CPEB3: variants seen among roughly 807,000 people sequenced by gnomAD.
The protein encoded by CPEB3 is cytoplasmic polyadenylation element binding protein 3, also known as cytoplasmic polyadenylation element-binding protein 3.
CPEB3 carries 20 observed loss-of-function variants against 67.2 expected under a neutral mutation model. That is an observed-to-expected ratio of 0.30 (90% CI 0.21 to 0.43). The LOEUF is 0.43. Among genes scored for constraint, CPEB3 ranks in the 20% least tolerant of loss-of-function variants. The pLI is 1.00. For missense variants in CPEB3, 746 were observed against 968.6 expected, an observed-to-expected ratio of 0.77 and a Z score of 3.05; for synonymous variants, 376 against 393.1, an observed-to-expected ratio of 0.96 and a Z score of 0.51.
chr10:92,184,880 G>A (rs1167285104), intron 3 of CPEB3, among the ~76,000 whole-genome samples: 1 of 152,100 alleles, frequency 6.6e-6, no homozygotes, highest in African/African-American at 2.4e-5. Context: ...TTGATTTACA[G>A]TTTTCCACGT....
intron 6 of CPEB3, among the ~76,000 whole-genome samples, chr10:92,127,707 G>A (rs887808047): frequency 1.3e-5 from 2 of 152,114 alleles, no homozygotes; most frequent in African/African-American, 4.8e-5. Context: ...AGAAATGGGG[G>A]AAGAGGGCTT....
chr10:92,113,896 T>A (rs1042044381), intron 6 of CPEB3, among the ~76,000 whole-genome samples: 1 of 152,204 alleles, frequency 6.6e-6, no homozygotes, highest in Non-Finnish European at 1.5e-5. Context: ...CTACAAATAC[T>A]ATTATCAAGA....
intron 1 of CPEB3, among the ~76,000 whole-genome samples, chr10:92,283,430 G>A (rs1013878172): frequency 6.6e-6 from 1 of 152,032 alleles, no homozygotes; most frequent in Non-Finnish European, 1.5e-5. Context: ...CCCCACTTCC[G>A]CTGGAGATGA....
intron 1 of CPEB3, among the ~76,000 whole-genome samples, chr10:92,273,234 A>T (rs546611637): frequency 6.6e-6 from 1 of 152,136 alleles, no homozygotes; most frequent in African/African-American, 2.4e-5. Flanking sequence ...CTAGATCCAT[A>T]TATTGTAAAT....
At chr10:92,204,404 G>A (rs1158517258) in intron 2 of CPEB3, 1 of 152,218 alleles carries the variant, frequency 6.6e-6, no homozygotes, top group Non-Finnish European at 1.5e-5. Context: ...TGGGCTAGCA[G>A]CTTTCTAGGG....
intron 2 of CPEB3, among the ~76,000 whole-genome samples, chr10:92,193,341 T>C (rs1457181711): frequency 6.6e-6 from 1 of 152,194 alleles, no homozygotes; most frequent in Non-Finnish European, 1.5e-5. Flanking sequence ...GCAAAGGAAC[T>C]AAAATAGTAA....
intron 6 of CPEB3, among the ~76,000 whole-genome samples, chr10:92,121,375 A>G (rs1233473519): frequency 2.1e-5 from 3 of 144,854 alleles, no homozygotes; most frequent in Non-Finnish European, 3.0e-5. Context: ...TATATTTTAT[A>G]TATAATATAT....
intron 6 of CPEB3, among the ~76,000 whole-genome samples, chr10:92,139,365 T>C (rs1773920609): frequency 1.3e-5 from 2 of 151,340 alleles, no homozygotes; most frequent in African/African-American, 4.9e-5. Flanking sequence ...AAAAGAGTCC[T>C]GTCATCTGCA....
At chr10:92,077,590 C>A (rs1332228069) in intron 9 of CPEB3, among the ~76,000 whole-genome samples, 1 of 152,030 alleles carries the variant, frequency 6.6e-6, no homozygotes, top group African/African-American at 2.4e-5. Flanking sequence ...AACCTTATTT[C>A]TACCAAAAAT....
chr10:92,288,430 G>A (rs1842639245), intron 1 of CPEB3, among the ~76,000 whole-genome samples: 2 of 148,368 alleles, frequency 1.3e-5, no homozygotes. Flanking sequence ...ACTCCAGCCT[G>A]GATGACAAAG....
At chr10:92,148,897 A>C (rs1443470624) in intron 4 of CPEB3, among the ~76,000 whole-genome samples, 1 of 141,440 alleles carries the variant, frequency 7.1e-6, no homozygotes, top group African/African-American at 2.7e-5. Flanking sequence ...TTATTCTAAT[A>C]CTGGCTTTTT....
chr10:92,221,648 C>T (rs1388103981), intron 2 of CPEB3, among the ~76,000 whole-genome samples: 1 of 152,110 alleles, frequency 6.6e-6, no homozygotes, highest in Non-Finnish European at 1.5e-5. Flanking sequence ...AGAGGTGGGG[C>T]CTTCGAGGAA....
At chr10:92,064,657 T>C (rs1173974912) in intron 9 of CPEB3, among the ~76,000 whole-genome samples, 1 of 152,194 alleles carries the variant, frequency 6.6e-6, no homozygotes, top group African/African-American at 2.4e-5. Flanking sequence ...TAGAAGGACA[T>C]GACATTGTCA....
At chr10:92,274,315 T>C (rs1156881938) in intron 1 of CPEB3, among the ~76,000 whole-genome samples, 2 of 152,178 alleles carry the variant, frequency 1.3e-5, no homozygotes. Flanking sequence ...CTCCCAGTTA[T>C]GGCATCTCAA....
At chr10:92,281,062 G>A (rs1025598736) in intron 1 of CPEB3, among the ~76,000 whole-genome samples, 2 of 151,600 alleles carry the variant, frequency 1.3e-5, no homozygotes, top group African/African-American at 4.8e-5. Flanking sequence ...GCCCGGCGAT[G>A]GTGAGCATCT....
At chr10:92,140,211 A>C (rs1846334208) in intron 6 of CPEB3, among the ~76,000 whole-genome samples, 1 of 152,224 alleles carries the variant, frequency 6.6e-6, no homozygotes, top group Admixed American at 6.5e-5. Flanking sequence ...TGGAGGCATC[A>C]CACTACCTGA....
At chr10:92,083,788 C>T (rs1405678975) in intron 8 of CPEB3, among the ~76,000 whole-genome samples, 1 of 152,080 alleles carries the variant, frequency 6.6e-6, no homozygotes, top group Non-Finnish European at 1.5e-5. Flanking sequence ...AATAAAGTGC[C>T]TGATTTAGAA....
chr10:92,272,476 C>A (rs1853349777), intron 1 of CPEB3, among the ~76,000 whole-genome samples: 1 of 152,080 alleles, frequency 6.6e-6, no homozygotes, highest in Admixed American at 6.6e-5. Context: ...AGTTAGAAAC[C>A]ATATATAGGC....
chr10:92,199,516 C>A (rs1849406814), intron 2 of CPEB3, among the ~76,000 whole-genome samples: 1 of 151,162 alleles, frequency 6.6e-6, no homozygotes, highest in African/African-American at 2.4e-5. Context: ...CACGGTGAAA[C>A]CCCGTCTATA....
Sources: allele counts gnomAD v4.1 joint callset (sites outside exome capture counted in the v4.1 genomes callset), GRCh38; gene constraint gnomAD v4.1.1; transcripts MANE v1.5; gene names NCBI Gene and HGNC (gene_info 2026-07-23, HGNC 2026-07-21).